The following ERC2 variants were observed in gnomAD, a reference collection of about 807,000 sequenced individuals.
The protein encoded by ERC2 is ERC protein 2.
ERC2 carries 42 observed loss-of-function variants against 114.8 expected under a neutral mutation model. That is an observed-to-expected ratio of 0.37 (90% CI 0.29 to 0.47). The LOEUF is 0.47. Among genes scored for constraint, ERC2 ranks in the 20% least tolerant of loss-of-function variants. The pLI, the probability that ERC2 is intolerant of heterozygous loss-of-function variation, is 0.99. For missense variants in ERC2, 939 were observed against 1,150.7 expected (o/e 0.82, Z 2.66); for synonymous variants, 454 against 425.5 (o/e 1.07, Z -0.82).
At chr3:55,542,847 G>T (rs913145116) in intron 17 of ERC2, among the ~76,000 whole-genome samples, 1 of 152,156 alleles carries the variant, frequency 6.6e-6, no homozygotes, top group African/African-American at 2.4e-5. Context: ...CCTTCTAATG[G>T]ATTCCATAGT....
intron 14 of ERC2, among the ~76,000 whole-genome samples, chr3:55,880,794 AAAAAAAAAG>A (rs2063078250): frequency 6.6e-6 from 1 of 152,004 alleles, no homozygotes; most frequent in Non-Finnish European, 1.5e-5. Context: ...TTATAGCAAA[AAAAAAAAAG>A]AAAAAAAAGA....
chr3:56,267,677 G>A (rs982325528), intron 3 of ERC2, among the ~76,000 whole-genome samples: 1 of 152,114 alleles, frequency 6.6e-6, no homozygotes, highest in Non-Finnish European at 1.5e-5. Context: ...TATTCGGGAG[G>A]CTGAGGCAGG....
At chr3:56,168,053 C>T (rs2082415205) in intron 4 of ERC2, among the ~76,000 whole-genome samples, 1 of 152,122 alleles carries the variant, frequency 6.6e-6, no homozygotes, top group South Asian at 2.1e-4. Flanking sequence ...AACCTTTGGG[C>T]TATCTTTAGA....
At chr3:55,987,083 T>C (rs959042209) in intron 11 of ERC2, among the ~76,000 whole-genome samples, 3 of 152,192 alleles carry the variant, frequency 2.0e-5, no homozygotes, top group Non-Finnish European at 4.4e-5. Flanking sequence ...CAGTGTTGAT[T>C]ACAATGATAC....
chr3:55,775,581 T>A lies in ERC2; in HGVS notation c.2565-40663A>T, dbSNP rs573417144. The stretch of plus-strand genomic sequence containing the variant: ...ATAAATAAATAAATAAATAAATAAA[T>A]AAAAAAGGAAAAAGTGAGACAGACA... On this transcript the variant is annotated intron_variant, in intron 14 of 17. Transcript: ENST00000288221. Among the ~76,000 whole-genome samples the A allele has an allele frequency of 5.6e-3, 793 of 142,044 alleles. 2 individuals are homozygous for A. The highest frequency in any genetic ancestry group is 0.011 in the Middle Eastern group (3 of 282). The allele number at this position is 142,044 out of a possible 152,430, so 93.2% of individuals were successfully genotyped here.
intron 14 of ERC2, among the ~76,000 whole-genome samples, chr3:55,772,517 C>G (rs1040421290): frequency 1.3e-5 from 2 of 152,224 alleles, no homozygotes; most frequent in African/African-American, 4.8e-5. Context: ...GGGGTTTCAC[C>G]GCGTTAGCCA....
chr3:55,988,290 G>T (rs1363160735), intron 11 of ERC2, among the ~76,000 whole-genome samples: 1 of 152,086 alleles, frequency 6.6e-6, no homozygotes, highest in African/African-American at 2.4e-5. Flanking sequence ...CTTGCTCAAG[G>T]CCCACCACCC....
intron 1 of ERC2, among the ~76,000 whole-genome samples, chr3:56,463,737 G>A (rs1243980237): frequency 1.3e-5 from 2 of 152,108 alleles, no homozygotes; most frequent in African/African-American, 4.8e-5. Flanking sequence ...ATCCATGTGT[G>A]CCCCTACATT....
chr3:56,390,930 G>T (rs1311999820), intron 2 of ERC2, among the ~76,000 whole-genome samples: 1 of 152,170 alleles, frequency 6.6e-6, no homozygotes, highest in East Asian at 1.9e-4. Flanking sequence ...GAGCAAATGT[G>T]TTGTGAAGAA....
intron 14 of ERC2, among the ~76,000 whole-genome samples, chr3:55,816,436 G>C (rs369400268): frequency 6.6e-6 from 1 of 152,130 alleles, no homozygotes. Flanking sequence ...ACCACTTTGG[G>C]CATCTTGAAT....
chr3:55,669,780 G>C (rs2061488678), intron 17 of ERC2, among the ~76,000 whole-genome samples: 1 of 152,226 alleles, frequency 6.6e-6, no homozygotes, highest in Non-Finnish European at 1.5e-5. Context: ...TGCATAGCAT[G>C]AAGTCTCCAG....
intron 3 of ERC2, among the ~76,000 whole-genome samples, chr3:56,194,646 A>T (rs2047986247): frequency 6.6e-6 from 1 of 152,196 alleles, no homozygotes; most frequent in Admixed American, 6.5e-5. Context: ...CACTTAGGCT[A>T]CACTGACTTT....
intron 17 of ERC2, among the ~76,000 whole-genome samples, chr3:55,613,982 CAAAAAAAAAAAAAAAA>C (rs60242810): frequency 3.2e-5 from 2 of 62,246 alleles, no homozygotes; most frequent in African/African-American, 1.4e-4. Context: ...GACTTCCTCT[CAAAAAAAAAAAAAAAA>C]AAAAAAAAAA....
chr3:56,436,513 T>G (rs2062025624), intron 1 of ERC2, among the ~76,000 whole-genome samples: 1 of 152,194 alleles, frequency 6.6e-6, no homozygotes, highest in South Asian at 2.1e-4. Flanking sequence ...CTGATTATAC[T>G]GTCACTATTT....
At chr3:55,566,385 T>G (rs1238269991) in intron 17 of ERC2, among the ~76,000 whole-genome samples, 2 of 151,230 alleles carry the variant, frequency 1.3e-5, no homozygotes, top group African/African-American at 4.9e-5. Flanking sequence ...AATGAATGCT[T>G]GCTGTTACTA....
At chr3:56,241,892 T>G (rs1229209917) in intron 3 of ERC2, among the ~76,000 whole-genome samples, 1 of 152,260 alleles carries the variant, frequency 6.6e-6, no homozygotes, top group Non-Finnish European at 1.5e-5. Flanking sequence ...AAGCTGTATT[T>G]GAACAAATTC....
chr3:55,773,203 C>T lies in ERC2; in HGVS notation c.2565-38285G>A, dbSNP rs112461895. ...ACCTGGCTCCTAATTACTTGCCTAA[C>T]GTTATTTCTACTCATCCTCCAACCA... On this transcript the variant is annotated intron_variant, in intron 14 of 17. Transcript: ENST00000288221. 5.0e-3 allele frequency among the ~76,000 whole-genome samples: 769 copies of T among 152,302 alleles called. 5 individuals carry two copies. Among genetic ancestry groups the T allele is most frequent in the African/African-American group, 0.017 (722 of 41,568 alleles).
chr3:56,038,789 T>C (rs1395189693), intron 7 of ERC2, among the ~76,000 whole-genome samples: 2 of 152,204 alleles, frequency 1.3e-5, no homozygotes, highest in African/African-American at 4.8e-5. Flanking sequence ...TGCAGGGACA[T>C]GGATGGAGCT....
chr3:55,964,131 G>C (rs950704545), intron 12 of ERC2, among the ~76,000 whole-genome samples: 1 of 152,184 alleles, frequency 6.6e-6, no homozygotes, highest in Non-Finnish European at 1.5e-5. Flanking sequence ...TCAAATGTTG[G>C]ATTATGCATC....
Sources: gnomAD v4.1 joint callset for allele counts (sites outside exome capture counted in the v4.1 genomes callset) on GRCh38, gnomAD v4.1.1 for gene constraint, MANE v1.5 for transcripts, NCBI Gene and HGNC (gene_info 2026-07-23, HGNC 2026-07-21) for gene names.